The following ACYP2 variants were observed in gnomAD, a reference collection of about 807,000 sequenced individuals.
ACYP2 encodes the protein acylphosphatase-2.
Under a neutral mutation model 11.2 loss-of-function variants are expected in ACYP2, and 12 were observed. That is an observed-to-expected ratio of 1.08 (90% CI 0.69 to 1.74). The LOEUF is 1.74. Ranked by LOEUF, ACYP2 falls within the 40% of genes most tolerant of loss-of-function variation. The pLI, the probability that ACYP2 is intolerant of heterozygous loss-of-function variation, is 0.00. For synonymous variants in ACYP2, 43 were observed against 32.2 expected, an observed-to-expected ratio of 1.33 and a Z score of -1.13; for missense variants, 134 against 101.9, an observed-to-expected ratio of 1.31 and a Z score of -1.35.
intron 2 of ACYP2, among the ~76,000 whole-genome samples, chr2:53,979,631 TA>T (rs202147020): frequency 0.27 from 38,692 of 144,352 alleles, 5,597 homozygotes; most frequent in South Asian, 0.47. Flanking sequence ...GTCTCAAAAA[TA>T]AAAAAAAAAA....
At chr2:54,048,652 C>G (rs1675659156) in intron 2 of ACYP2, among the ~76,000 whole-genome samples, 1 of 152,166 alleles carries the variant, frequency 6.6e-6, no homozygotes, top group African/African-American at 2.4e-5. Context: ...AGGCACATGC[C>G]ACCATGACCT....
intron 2 of ACYP2, among the ~76,000 whole-genome samples, chr2:54,017,573 A>G (rs1334933473): frequency 2.0e-5 from 3 of 152,118 alleles, no homozygotes; most frequent in African/African-American, 7.2e-5. Context: ...AAGTTTCAAC[A>G]TATGAATTTT....
chr2:53,971,902 C>A (rs148689114), intron 1 of ACYP2, among the ~76,000 whole-genome samples: 3 of 152,142 alleles, frequency 2.0e-5, no homozygotes, highest in Non-Finnish European at 4.4e-5. Flanking sequence ...AGAGAGGGGA[C>A]GGAGAAATGA....
At chr2:54,125,491 TG>T (rs1680436154) in intron 4 of ACYP2, among the ~76,000 whole-genome samples, 2 of 152,238 alleles carry the variant, frequency 1.3e-5, no homozygotes, top group South Asian at 4.1e-4. Context: ...GGTTCATACC[TG>T]TAATCCCAGC....
At chr2:54,284,336 C>G (rs909510346) in intron 6 of ACYP2, among the ~76,000 whole-genome samples, 2 of 152,212 alleles carry the variant, frequency 1.3e-5, no homozygotes, top group African/African-American at 4.8e-5. Context: ...CATACAGCCC[C>G]AGGCATCCAC....
intron 2 of ACYP2, among the ~76,000 whole-genome samples, chr2:54,045,909 GC>G (rs1558492379): frequency 2.0e-5 from 3 of 148,078 alleles, no homozygotes; most frequent in Admixed American, 2.0e-4. Context: ...AGTGGCTCAG[GC>G]CTGTAATCCC....
intron 2 of ACYP2, among the ~76,000 whole-genome samples, chr2:54,024,345 A>C (rs147366168): frequency 1.3e-3 from 202 of 152,290 alleles, no homozygotes; most frequent in Non-Finnish European, 2.4e-3. Context: ...CAGCCTGGGC[A>C]ACAGATCAAG....
chr2:54,050,642 T>C (rs1369985505), intron 2 of ACYP2, among the ~76,000 whole-genome samples: 2 of 151,866 alleles, frequency 1.3e-5, no homozygotes, highest in Non-Finnish European at 1.5e-5. Context: ...GTTATATGGG[T>C]TTTAAAAAAT....
intron 4 of ACYP2, among the ~76,000 whole-genome samples, chr2:54,108,262 G>A (rs1218833850): frequency 6.6e-6 from 1 of 152,204 alleles, no homozygotes; most frequent in African/African-American, 2.4e-5. Flanking sequence ...AATGTCCAGG[G>A]TTTGTAGCTT....
chr2:54,079,248 A>G (rs1435274035), intron 4 of ACYP2, among the ~76,000 whole-genome samples: 2 of 152,020 alleles, frequency 1.3e-5, no homozygotes, highest in Non-Finnish European at 1.5e-5. Flanking sequence ...TCTTCCAAGC[A>G]CTCTTTTCAC....
chr2:54,069,684 A>AC (rs1448180134), intron 4 of ACYP2, among the ~76,000 whole-genome samples: 1 of 152,078 alleles, frequency 6.6e-6, no homozygotes. Flanking sequence ...AACAAAAAAA[A>AC]CAAAAACAAA....
Position 54,135,454 on chromosome 2 carries a change from T to G in ACYP2, c.279T>G (p.Ser93Arg). ...TCTTTTTATCTTTCTTTTATACAGG[T>G]GTTTGCTTCAGAATGGTAAGTCAGT... Residue 93 changes from serine to arginine, a missense_variant and splice_region_variant, in exon 5 of 7, where the codon AGT becomes AGG. Ser to Arg is a moderately radical substitution (Grantham distance 110, BLOSUM62 -1). Coordinates refer to ENST00000607452, the MANE Select transcript of ACYP2 (RefSeq NM_001320586.2). 6.2e-7 allele frequency: 1 copy of G among 1,608,000 alleles called. No homozygotes were observed. The highest frequency in any genetic ancestry group is 8.5e-7 in the Non-Finnish European group (1 of 1,177,038).
chr2:54,272,115 A>G (rs1688330981), intron 6 of ACYP2, among the ~76,000 whole-genome samples: 1 of 152,216 alleles, frequency 6.6e-6, no homozygotes, highest in South Asian at 2.1e-4. Flanking sequence ...CATATCGACC[A>G]TCTTGCCCAA....
chr2:54,290,657 T>G (rs1689262901), intron 6 of ACYP2, among the ~76,000 whole-genome samples: 1 of 152,104 alleles, frequency 6.6e-6, no homozygotes, highest in Admixed American at 6.6e-5. Flanking sequence ...TATCTAGTAG[T>G]TCTCTATCGG....
intron 2 of ACYP2, among the ~76,000 whole-genome samples, chr2:54,008,694 G>A (rs1052806509): frequency 6.6e-6 from 1 of 152,024 alleles, no homozygotes; most frequent in African/African-American, 2.4e-5. Flanking sequence ...GTAAATATGG[G>A]GTTTTGCCAT....
intron 4 of ACYP2, among the ~76,000 whole-genome samples, chr2:54,108,426 C>T (rs974270357): frequency 2.0e-5 from 3 of 152,182 alleles, no homozygotes; most frequent in East Asian, 1.9e-4. Context: ...CCCAGACCTG[C>T]GGGTAAATCT....
chr2:54,201,636 C>CTTTCTTTCTTTCTCTTTCTT (rs59874821), intron 6 of ACYP2, among the ~76,000 whole-genome samples: 15 of 93,698 alleles, frequency 1.6e-4, no homozygotes, highest in Admixed American at 1.0e-3. Context: ...TTCTTTCTTT[C>CTTTCTTTCTTTCTCTTTCTT]TCTTTCTTTC....
intron 4 of ACYP2, among the ~76,000 whole-genome samples, chr2:54,103,313 TATTTC>T (rs1678998947): frequency 6.6e-6 from 1 of 152,232 alleles, no homozygotes; most frequent in East Asian, 1.9e-4. Context: ...TCATAAACAT[TATTTC>T]AGATATCTGT....
At chr2:54,024,379 G>A (rs1287977047) in intron 2 of ACYP2, among the ~76,000 whole-genome samples, 1 of 152,048 alleles carries the variant, frequency 6.6e-6, no homozygotes, top group East Asian at 1.9e-4. Context: ...CACAAAAAAA[G>A]ATAATCCACC....
Sources: allele counts gnomAD v4.1 joint callset (sites outside exome capture counted in the v4.1 genomes callset), GRCh38; gene constraint gnomAD v4.1.1; transcripts MANE v1.5; gene names NCBI Gene and HGNC (gene_info 2026-07-23, HGNC 2026-07-21).